SOX5: variants seen among roughly 807,000 people sequenced by gnomAD.
SOX5 encodes the protein SRY-box transcription factor 5, also known as transcription factor SOX-5.
In SOX5, 9 loss-of-function variants were observed where a neutral mutation model predicts 92.0. The observed-to-expected ratio is 0.10, with a 90% CI of 0.06 to 0.17. SOX5 has a LOEUF of 0.17. Ranked by LOEUF, SOX5 falls within the 10% of genes least tolerant of loss-of-function variation. The probability of loss-of-function intolerance (pLI) is 1.00; values close to 1 mark genes in which losing one functional copy is unlikely to be tolerated. For synonymous variants in SOX5, 344 were observed against 336.3 expected (o/e 1.02, Z -0.25); for missense variants, 642 against 944.5 (o/e 0.68, Z 4.20).
chr12:24,210,155 A>G (rs12828374), intron 4 of SOX5, among the ~76,000 whole-genome samples: 4,753 of 150,788 alleles, frequency 0.032, 87 homozygotes, highest in Middle Eastern at 0.059. Context: ...CATATCCCTT[A>G]TTTTCTCATT....
At chr12:24,385,235 G>A (rs1958258918) in intron 1 of SOX5, among the ~76,000 whole-genome samples, 1 of 152,080 alleles carries the variant, frequency 6.6e-6, no homozygotes, top group African/African-American at 2.4e-5. Flanking sequence ...TTACAATGGT[G>A]CAAAACCATT....
At chr12:23,818,334 C>T (rs2096039111) in intron 3 of SOX5, among the ~76,000 whole-genome samples, 1 of 152,082 alleles carries the variant, frequency 6.6e-6, no homozygotes, top group African/African-American at 2.4e-5. Flanking sequence ...ATACCGTATG[C>T]AACTGTAACA....
At chr12:23,605,430 T>G (rs1048969389) in intron 8 of SOX5, among the ~76,000 whole-genome samples, 7 of 136,548 alleles carry the variant, frequency 5.1e-5, no homozygotes, top group African/African-American at 1.7e-4. Context: ...AATTATTAAA[T>G]AAATATATCA....
At chr12:23,631,520 G>A (rs2078536823) in intron 8 of SOX5, among the ~76,000 whole-genome samples, 1 of 151,912 alleles carries the variant, frequency 6.6e-6, no homozygotes, top group South Asian at 2.1e-4. Context: ...TCTACTGCTG[G>A]TCTTGGGACA....
chr12:24,280,676 G>A lies in SOX5; in HGVS notation c.-173-3364C>T, dbSNP rs1054890674. 2.6e-5 allele frequency among the ~76,000 whole-genome samples: 4 copies of A among 152,070 alleles called. No homozygotes were observed. In the East Asian group the frequency reaches 7.7e-4, roughly 29 times the overall value. On this transcript the variant is annotated intron_variant, in intron 2 of 4. Coordinates refer to the SOX5 transcript ENST00000446891. ...AAGGGTATTTCATTTACCAGATACA[G>A]CAGGGACACAATCACAAAAGGTGAC...
chr12:24,154,843 AATT>A (rs1469177512), intron 4 of SOX5, among the ~76,000 whole-genome samples: 1 of 152,124 alleles, frequency 6.6e-6, no homozygotes, highest in African/African-American at 2.4e-5. Flanking sequence ...AATTAATAAT[AATT>A]ATGTTATTAG....
chr12:24,504,979 T>C (rs1948581573), intron 1 of SOX5, among the ~76,000 whole-genome samples: 1 of 152,144 alleles, frequency 6.6e-6, no homozygotes, highest in Non-Finnish European at 1.5e-5. Context: ...GGTTTGCAAT[T>C]TTGCATGAAG....
chr12:23,836,482 A>G (rs2096415877), intron 3 of SOX5, among the ~76,000 whole-genome samples: 1 of 152,018 alleles, frequency 6.6e-6, no homozygotes, highest in South Asian at 2.1e-4. Context: ...CACTTGAAAA[A>G]TAGGCTGGCT....
At chr12:23,553,851 A>T (rs1256315950) in intron 11 of SOX5, among the ~76,000 whole-genome samples, 1 of 152,170 alleles carries the variant, frequency 6.6e-6, no homozygotes, top group East Asian at 1.9e-4. Flanking sequence ...CTACAGAAAC[A>T]TATAGGATTA....
intron 2 of SOX5, among the ~76,000 whole-genome samples, chr12:24,297,513 T>A (rs2140583333): frequency 6.6e-6 from 1 of 152,314 alleles, no homozygotes; most frequent in Middle Eastern, 3.4e-3. Flanking sequence ...ACAGGTAAAA[T>A]TCCCACTCTC....
chr12:23,746,965 T>C (rs1390590350), intron 4 of SOX5, among the ~76,000 whole-genome samples: 1 of 152,148 alleles, frequency 6.6e-6, no homozygotes, highest in East Asian at 1.9e-4. Flanking sequence ...TTCTCTTGTC[T>C]GCCGCCATGT....
chr12:24,492,461 T>C (rs1947190464), intron 1 of SOX5, among the ~76,000 whole-genome samples: 1 of 152,156 alleles, frequency 6.6e-6, no homozygotes. Flanking sequence ...AACATGACTA[T>C]TGCAAAGAAG....
chr12:24,364,707 C>T (rs1312429404), intron 2 of SOX5, among the ~76,000 whole-genome samples: 1 of 151,734 alleles, frequency 6.6e-6, no homozygotes, highest in Non-Finnish European at 1.5e-5. Flanking sequence ...GCAAGAAAAT[C>T]TGTAAATCAC....
intron 3 of SOX5, among the ~76,000 whole-genome samples, chr12:24,244,121 G>C (rs1938110070): frequency 6.6e-6 from 1 of 150,922 alleles, no homozygotes; most frequent in Non-Finnish European, 1.5e-5. Context: ...AGAGCAGAAA[G>C]AAAAGGCTGG....
chr12:23,998,803 C>CAAAAAAAA (rs34135570), intron 4 of SOX5, among the ~76,000 whole-genome samples: 3 of 68,084 alleles, frequency 4.4e-5, no homozygotes, highest in Non-Finnish European at 7.4e-5. Context: ...GACTCAGTCT[C>CAAAAAAAA]AAAAAAAAAA....
intron 1 of SOX5, among the ~76,000 whole-genome samples, chr12:24,413,429 C>T (rs541153078): frequency 3.5e-4 from 53 of 152,294 alleles, no homozygotes; most frequent in African/African-American, 1.2e-3. Flanking sequence ...TTCTTTCAAT[C>T]TGCCCACATT....
At chr12:24,122,454 G>A (rs1342558904) in intron 4 of SOX5, among the ~76,000 whole-genome samples, 1 of 152,072 alleles carries the variant, frequency 6.6e-6, no homozygotes, top group African/African-American at 2.4e-5. Context: ...AGAAGGGGAC[G>A]GTTAGGATTC....
At chr12:24,242,511 C>G (rs866331387) in intron 3 of SOX5, among the ~76,000 whole-genome samples, 13 of 152,164 alleles carry the variant, frequency 8.5e-5, no homozygotes, top group Admixed American at 2.6e-4. Context: ...ATAAAAGATT[C>G]ATTTTCAACT....
intron 4 of SOX5, among the ~76,000 whole-genome samples, chr12:23,987,654 A>C (rs1950180688): frequency 6.6e-6 from 1 of 152,152 alleles, no homozygotes; most frequent in Non-Finnish European, 1.5e-5. Context: ...TTAGCCAGGC[A>C]TGGTGCTGTG....
Sources: allele counts gnomAD v4.1 joint callset (sites outside exome capture counted in the v4.1 genomes callset), GRCh38; gene constraint gnomAD v4.1.1; transcripts MANE v1.5; gene names NCBI Gene and HGNC (gene_info 2026-07-23, HGNC 2026-07-21).